Variants in PXDNL observed in about 807,000 individuals in gnomAD.
The protein encoded by PXDNL is peroxidasin like.
Under a neutral mutation model 150.8 loss-of-function variants are expected in PXDNL, and 145 were observed. That is an observed-to-expected ratio of 0.96 (90% CI 0.84 to 1.10). The LOEUF (loss-of-function observed/expected upper bound fraction) is 1.10, where lower values mean the gene tolerates loss of function less well. PXDNL is among the 50% of genes least tolerant of loss of function. The probability of loss-of-function intolerance (pLI) is 0.00; values close to 1 mark genes in which losing one functional copy is unlikely to be tolerated. For missense variants in PXDNL, 2,087 were observed against 1,873.9 expected, an observed-to-expected ratio of 1.11 and a Z score of -2.10; for synonymous variants, 757 against 725.7, an observed-to-expected ratio of 1.04 and a Z score of -0.69.
At chr8:51,347,615 C>G (rs994145490) in intron 19 of PXDNL, among the ~76,000 whole-genome samples, 1 of 152,162 alleles carries the variant, frequency 6.6e-6, no homozygotes, top group Middle Eastern at 3.2e-3. Flanking sequence ...ATAAGGTTTA[C>G]AAGTTAATTA....
intron 17 of PXDNL, among the ~76,000 whole-genome samples, chr8:51,394,150 C>G (rs1274572393): frequency 6.6e-6 from 1 of 152,122 alleles, no homozygotes; most frequent in Admixed American, 6.5e-5. Flanking sequence ...AGATTTGCCT[C>G]AAACTATTCT....
At chr8:51,495,193 C>T (rs1487672977) in intron 5 of PXDNL, among the ~76,000 whole-genome samples, 1 of 151,632 alleles carries the variant, frequency 6.6e-6, no homozygotes, top group Non-Finnish European at 1.5e-5. Context: ...GGGTACATAA[C>T]AAAATGAAGG....
chr8:51,720,430 A>G (rs1816706236), intron 1 of PXDNL, among the ~76,000 whole-genome samples: 1 of 152,178 alleles, frequency 6.6e-6, no homozygotes, highest in African/African-American at 2.4e-5. Context: ...AATAGATACT[A>G]TTTATAAATC....
chr8:51,369,578 G>C (rs1433834742), intron 19 of PXDNL, among the ~76,000 whole-genome samples: 1 of 151,636 alleles, frequency 6.6e-6, no homozygotes, highest in Non-Finnish European at 1.5e-5. Flanking sequence ...ATTAGGATTG[G>C]AACTACATCA....
chr8:51,328,106 C>A (rs1176280660), intron 21 of PXDNL, among the ~76,000 whole-genome samples: 2 of 152,216 alleles, frequency 1.3e-5, no homozygotes, highest in African/African-American at 4.8e-5. Flanking sequence ...CTGAATAGAA[C>A]ACAAATAGCA....
chr8:51,423,500 A>G, intron 14 of PXDNL, 75 bp downstream of exon 14: 1 of 1,211,020 alleles, frequency 8.3e-7, no homozygotes, highest in East Asian at 2.5e-5. Flanking sequence ...TAGTGAGATC[A>G]GTCAAATAGG....
At chr8:51,606,859 A>G (rs1813846109) in intron 2 of PXDNL, among the ~76,000 whole-genome samples, 1 of 152,150 alleles carries the variant, frequency 6.6e-6, no homozygotes, top group South Asian at 2.1e-4. Flanking sequence ...TGGACTAACT[A>G]CATATCAAGT....
intron 17 of PXDNL, among the ~76,000 whole-genome samples, chr8:51,387,481 A>G (rs1807753880): frequency 6.6e-6 from 1 of 152,114 alleles, no homozygotes; most frequent in Admixed American, 6.5e-5. Flanking sequence ...GTAGGAAAAA[A>G]TCCTGAGAGA....
At chr8:51,498,348 G>A (rs1343664753) in intron 5 of PXDNL, among the ~76,000 whole-genome samples, 2 of 151,566 alleles carry the variant, frequency 1.3e-5, no homozygotes, top group Admixed American at 1.3e-4. Context: ...GACTTAATGG[G>A]TGCAGCACAC....
rs1806270205 is a variant in PXDNL at position 51,349,562 on chromosome 8, CCTACCGG to C, written c.3902-3622_3902-3616del. ...AGCAGAAGAGAAGGGCCTTGTCCTA[CCTACCGG>C]TTAATCCTCAGCACATGCTTGTGGC... On this transcript the variant is annotated intron_variant, in intron 19 of 22. Transcript: ENST00000356297. 3.9e-5 allele frequency among the ~76,000 whole-genome samples: 6 copies of C among 152,344 alleles called. No individual in the cohort carries two copies. In the South Asian group the frequency reaches 6.2e-4, roughly 16 times the overall value.
At chr8:51,785,620 G>A (rs753372604) in intron 1 of PXDNL, among the ~76,000 whole-genome samples, 1 of 152,042 alleles carries the variant, frequency 6.6e-6, no homozygotes. Context: ...GTGATCTTTG[G>A]TGTTATCATT....
At chr8:51,592,241 G>A (rs1813459162) in intron 3 of PXDNL, among the ~76,000 whole-genome samples, 1 of 152,116 alleles carries the variant, frequency 6.6e-6, no homozygotes, top group Non-Finnish European at 1.5e-5. Flanking sequence ...GCTTTGGAAG[G>A]TCTTGGATAG....
intron 12 of PXDNL, among the ~76,000 whole-genome samples, chr8:51,429,952 A>C (rs116850589): frequency 0.024 from 3,588 of 152,248 alleles, 56 homozygotes; most frequent in Non-Finnish European, 0.037. Context: ...ACCATGGCTG[A>C]TTGATGCCTG....
At chr8:51,687,620 T>C (rs1223888813) in intron 1 of PXDNL, among the ~76,000 whole-genome samples, 1 of 152,252 alleles carries the variant, frequency 6.6e-6, no homozygotes, top group Admixed American at 6.5e-5. Flanking sequence ...AACAGTTTTA[T>C]TGGGTTCTTT....
At chr8:51,510,084 C>T (rs1449645598) in intron 4 of PXDNL, among the ~76,000 whole-genome samples, 2 of 151,956 alleles carry the variant, frequency 1.3e-5, no homozygotes, top group African/African-American at 2.4e-5. Context: ...GCTCTACAGA[C>T]CCTTAGCACA....
chr8:51,731,540 G>A (rs1406591486), intron 1 of PXDNL, among the ~76,000 whole-genome samples: 1 of 152,250 alleles, frequency 6.6e-6, no homozygotes, highest in Non-Finnish European at 1.5e-5. Flanking sequence ...GGGTCCGGAG[G>A]ACGGTGGCCC....
At chr8:51,581,128 G>A (rs940814913) in intron 3 of PXDNL, among the ~76,000 whole-genome samples, 3 of 152,074 alleles carry the variant, frequency 2.0e-5, no homozygotes, top group Non-Finnish European at 4.4e-5. Context: ...AAAACGTCTG[G>A]AGGAAAAGAA....
chr8:51,645,618 A>C (rs771185317), intron 2 of PXDNL, among the ~76,000 whole-genome samples: 1 of 152,146 alleles, frequency 6.6e-6, no homozygotes, highest in Non-Finnish European at 1.5e-5. Context: ...AATGAAGTGC[A>C]TTTGCTGATA....
rs138430853 is a variant in PXDNL at position 51,357,397 on chromosome 8, C to T, written c.3902-11450G>A. ...CAGTTCCTGTGCAAATCACAGCATT[C>T]CCAGAATGACTTCCAGTAAAATGCT... On this transcript the variant is annotated intron_variant, in intron 19 of 22. Coordinates refer to ENST00000356297, the MANE Select transcript of PXDNL (RefSeq NM_144651.5). Among the ~76,000 whole-genome samples the T allele has an allele frequency of 2.4e-3, 373 of 152,288 alleles. 3 individuals are homozygous for T. The highest frequency in any genetic ancestry group is 8.3e-3 in the African/African-American group (346 of 41,564).
Sources: allele counts gnomAD v4.1 joint callset (sites outside exome capture counted in the v4.1 genomes callset), GRCh38; gene constraint gnomAD v4.1.1; transcripts MANE v1.5; gene names NCBI Gene and HGNC (gene_info 2026-07-23, HGNC 2026-07-21).